Variants in APBA1 observed in about 807,000 individuals in gnomAD.
APBA1 encodes the protein amyloid-beta A4 precursor protein-binding family A member 1.
In APBA1, 55 loss-of-function variants were observed where a neutral mutation model predicts 86.6. The observed-to-expected ratio is 0.64, with a 90% CI of 0.51 to 0.80. The LOEUF (loss-of-function observed/expected upper bound fraction) is 0.80, where lower values mean the gene tolerates loss of function less well. APBA1 is among the 30% of genes least tolerant of loss of function. The probability of loss-of-function intolerance (pLI) is 0.00; values close to 1 mark genes in which losing one functional copy is unlikely to be tolerated. For missense variants in APBA1, 1,090 were observed against 1,183.0 expected (o/e 0.92, Z 1.15); for synonymous variants, 511 against 493.9 (o/e 1.03, Z -0.46).
At chr9:69,588,423 CA>C (rs1822064373) in intron 1 of APBA1, among the ~76,000 whole-genome samples, 1 of 149,744 alleles carries the variant, frequency 6.7e-6, no homozygotes, top group Admixed American at 6.7e-5. Context: ...GCAGCAAAGA[CA>C]AAACTTGTTT....
intron 1 of APBA1, among the ~76,000 whole-genome samples, chr9:69,573,582 A>G (rs956957329): frequency 3.3e-5 from 5 of 152,208 alleles, no homozygotes; most frequent in African/African-American, 1.2e-4. Flanking sequence ...GTAGGGTGTG[A>G]TATCTTTAGA....
Position 69,643,019 on chromosome 9 carries a change from A to AACAC in APBA1, c.-70+29130_-70+29133dup, listed in dbSNP as rs369247145. ...TGTATACACACACACCCCCGCCACA[A>AACAC]ACACACACACACACACACACACACC... On this transcript the variant is annotated intron_variant, in intron 1 of 12. Coordinates refer to ENST00000265381, the MANE Select transcript of APBA1 (RefSeq NM_001163.4). Among the ~76,000 whole-genome samples, 635 of 141,574 alleles carry AACAC rather than the reference A, an allele frequency of 4.5e-3. 4 individuals are homozygous for AACAC. The highest frequency in any genetic ancestry group is 0.011 in the Middle Eastern group (3 of 270). 92.9% of individuals were successfully genotyped at this position (141,574 alleles called of 152,430 possible). A position where few individuals can be genotyped will look rare whatever the true frequency, so the allele number is the denominator to read the frequency against.
intron 2 of APBA1, among the ~76,000 whole-genome samples, chr9:69,499,509 C>CA (rs1441950770): frequency 1.3e-5 from 2 of 151,970 alleles, no homozygotes; most frequent in African/African-American, 4.8e-5. Context: ...GAATCCTTCA[C>CA]AAAAAATGGC....
intron 5 of APBA1, among the ~76,000 whole-genome samples, chr9:69,458,699 G>A (rs1027269236): frequency 2.3e-4 from 35 of 151,176 alleles, no homozygotes; most frequent in Non-Finnish European, 1.9e-4. Context: ...TCATTGTTCC[G>A]TTAAATTTTT....
intron 1 of APBA1, among the ~76,000 whole-genome samples, chr9:69,649,954 A>G (rs1257418742): frequency 1.3e-5 from 2 of 152,230 alleles, no homozygotes; most frequent in African/African-American, 4.8e-5. Flanking sequence ...AAGTAATAAT[A>G]AAGATTTTAA....
intron 1 of APBA1, among the ~76,000 whole-genome samples, chr9:69,547,516 G>T (rs774500826): frequency 2.6e-5 from 4 of 152,176 alleles, no homozygotes; most frequent in Non-Finnish European, 5.9e-5. Context: ...TAGAACCAGG[G>T]TTGTTGTTTG....
chr9:69,434,418 C>CAA (rs60462019), intron 11 of APBA1, among the ~76,000 whole-genome samples: 10 of 142,630 alleles, frequency 7.0e-5, no homozygotes, highest in African/African-American at 2.5e-4. Flanking sequence ...TGGCTTAAAA[C>CAA]AAAAAAAAAA....
intron 1 of APBA1, among the ~76,000 whole-genome samples, chr9:69,519,397 T>C (rs1836217149): frequency 6.6e-6 from 1 of 152,232 alleles, no homozygotes; most frequent in South Asian, 2.1e-4. Context: ...GCTACGGGCC[T>C]CCAGTGGATT....
chr9:69,442,807 G>GACTT (rs1284525978), intron 10 of APBA1, among the ~76,000 whole-genome samples: 1 of 152,166 alleles, frequency 6.6e-6, no homozygotes, highest in Non-Finnish European at 1.5e-5. Context: ...GCGAGGTCAG[G>GACTT]ACTTACATTT....
intron 10 of APBA1, among the ~76,000 whole-genome samples, chr9:69,446,718 G>T (rs1410870335): frequency 6.6e-6 from 1 of 152,134 alleles, no homozygotes; most frequent in Non-Finnish European, 1.5e-5. Flanking sequence ...CCAGCTGGGG[G>T]CCCTGGGCAA....
intron 1 of APBA1, among the ~76,000 whole-genome samples, chr9:69,589,109 C>T (rs562970257): frequency 6.6e-6 from 1 of 152,264 alleles, no homozygotes; most frequent in Admixed American, 6.5e-5. Flanking sequence ...CACACACCAC[C>T]ATGCCCAGCT....
chr9:69,549,538 G>A (rs1049373926), intron 1 of APBA1, among the ~76,000 whole-genome samples: 5 of 152,076 alleles, frequency 3.3e-5, no homozygotes, highest in Non-Finnish European at 5.9e-5. Context: ...TCATGACATG[G>A]CCCATGAATT....
At chr9:69,581,667 A>G (rs1001014505) in intron 1 of APBA1, among the ~76,000 whole-genome samples, 1 of 152,194 alleles carries the variant, frequency 6.6e-6, no homozygotes, top group African/African-American at 2.4e-5. Context: ...AATATTCCCC[A>G]CTGACAATGC....
intron 2 of APBA1, among the ~76,000 whole-genome samples, chr9:69,506,018 A>G (rs1835955652): frequency 6.6e-6 from 1 of 150,736 alleles, no homozygotes; most frequent in South Asian, 2.1e-4. Context: ...GACTCCATCT[A>G]AAAAAAAAGA....
At chr9:69,530,912 C>T (rs1005350087) in intron 1 of APBA1, among the ~76,000 whole-genome samples, 1 of 152,172 alleles carries the variant, frequency 6.6e-6, no homozygotes, top group African/African-American at 2.4e-5. Context: ...CTTAATGGTT[C>T]ATGTCTCTCC....
intron 1 of APBA1, among the ~76,000 whole-genome samples, chr9:69,568,337 T>C (rs1006727763): frequency 1.3e-5 from 2 of 152,232 alleles, no homozygotes; most frequent in South Asian, 2.1e-4. Flanking sequence ...ATTCTCTCCT[T>C]TGAAAATTTA....
chr9:69,544,523 T>G (rs1468751972), intron 1 of APBA1, among the ~76,000 whole-genome samples: 1 of 152,212 alleles, frequency 6.6e-6, no homozygotes, highest in Non-Finnish European at 1.5e-5. Flanking sequence ...GTGCAGAGCT[T>G]TCTGTTGAAC....
intron 12 of APBA1, 54 bp downstream of exon 12, chr9:69,432,482 C>A: frequency 1.4e-6 from 2 of 1,432,518 alleles, no homozygotes; most frequent in South Asian, 1.6e-5. Context: ...GCATACGAGG[C>A]AGGGGCACCA....
rs1049043740 is a variant in APBA1 at position 69,672,363 on chromosome 9, C to G, written c.-280G>C. ...TCCGCAGCCGCTGCTCGGACCCCTC[C>G]GGTCTCGCGGCCCCACCCCCTTTCC... On this transcript the variant is annotated 5_prime_UTR_variant, in exon 1 of 13. Transcript: ENST00000265381. 1.3e-5 allele frequency: 2 copies of G among 155,484 alleles called. No individual in the cohort carries two copies. Among genetic ancestry groups the G allele is most frequent in the South Asian group, 1.7e-4 (1 of 5,802 alleles). 9.6% of individuals were successfully genotyped at this position (155,484 alleles called of 1,614,324 possible).
Sources: gnomAD v4.1 joint callset for allele counts (sites outside exome capture counted in the v4.1 genomes callset) on GRCh38, gnomAD v4.1.1 for gene constraint, MANE v1.5 for transcripts, NCBI Gene and HGNC (gene_info 2026-07-23, HGNC 2026-07-21) for gene names.